The following SPIDR variants were observed in gnomAD, a reference collection of about 807,000 sequenced individuals.
The protein encoded by SPIDR is DNA repair-scaffolding protein.
Under a neutral mutation model 104.6 loss-of-function variants are expected in SPIDR, and 93 were observed. The observed-to-expected ratio is 0.89, with a 90% CI of 0.75 to 1.06. SPIDR has a LOEUF of 1.06. Among genes scored for constraint, SPIDR ranks in the 50% least tolerant of loss-of-function variants. The pLI is 0.00. For missense variants in SPIDR, 1,154 were observed against 1,111.2 expected, an observed-to-expected ratio of 1.04 and a Z score of -0.55; for synonymous variants, 431 against 416.9, an observed-to-expected ratio of 1.03 and a Z score of -0.41.
At chr8:47,552,468 A>G (rs1039054248) in intron 8 of SPIDR, among the ~76,000 whole-genome samples, 5 of 151,350 alleles carry the variant, frequency 3.3e-5, no homozygotes, top group African/African-American at 9.8e-5. Context: ...TATTGGGTGC[A>G]TATATATTTA....
intron 7 of SPIDR, among the ~76,000 whole-genome samples, chr8:47,415,302 T>C (rs1312783085): frequency 6.6e-6 from 1 of 152,084 alleles, no homozygotes; most frequent in Non-Finnish European, 1.5e-5. Flanking sequence ...GCCCCCAGTT[T>C]CCCCCGGTAA....
chr8:47,431,515 C>T (rs1338234643), intron 7 of SPIDR, among the ~76,000 whole-genome samples: 1 of 152,178 alleles, frequency 6.6e-6, no homozygotes, highest in Non-Finnish European at 1.5e-5. Context: ...GCTATTCCTA[C>T]GGAATGAGTC....
intron 8 of SPIDR, among the ~76,000 whole-genome samples, chr8:47,450,609 G>C (rs2071539284): frequency 6.6e-6 from 1 of 152,210 alleles, no homozygotes; most frequent in African/African-American, 2.4e-5. Context: ...ATATGCAAAT[G>C]TATATTGTTG....
At chr8:47,337,974 A>G (rs1445304487) in intron 5 of SPIDR, among the ~76,000 whole-genome samples, 2 of 152,082 alleles carry the variant, frequency 1.3e-5, no homozygotes, top group African/African-American at 4.8e-5. Flanking sequence ...CCTTACCTTA[A>G]TTAATGTAAT....
intron 10 of SPIDR, among the ~76,000 whole-genome samples, chr8:47,642,397 CAG>C (rs1289113700): frequency 3.6e-5 from 5 of 137,760 alleles, no homozygotes; most frequent in African/African-American, 1.4e-4. Flanking sequence ...GCCTGGGCGA[CAG>C]AGCGAGACTC....
chr8:47,654,262 T>TACATGGATTAG, intron 10 of SPIDR: 1 of 995,356 alleles, frequency 1.0e-6, no homozygotes, highest in Non-Finnish European at 1.4e-6. Context: ...GGGAAGCACC[T>TACATGGATTAG]GCCTAATCCA....
intron 8 of SPIDR, among the ~76,000 whole-genome samples, chr8:47,575,353 A>T (rs1173167540): frequency 6.6e-6 from 1 of 152,188 alleles, no homozygotes; most frequent in Non-Finnish European, 1.5e-5. Flanking sequence ...TGTAGTTAAG[A>T]AAAAAGCTGG....
chr8:47,391,058 C>T (rs180741592), intron 5 of SPIDR, among the ~76,000 whole-genome samples: 121 of 152,232 alleles, frequency 7.9e-4, no homozygotes, highest in Non-Finnish European at 1.4e-3. Context: ...TTCTCACAGT[C>T]GGGCTTAGGC....
At chr8:47,491,748 G>A (rs1307029341) in intron 8 of SPIDR, among the ~76,000 whole-genome samples, 1 of 152,074 alleles carries the variant, frequency 6.6e-6, no homozygotes, top group African/African-American at 2.4e-5. Context: ...GCTCCAAGAG[G>A]CTGAGGCAGG....
At chr8:47,393,886 C>T (rs2060932890) in intron 5 of SPIDR, among the ~76,000 whole-genome samples, 1 of 150,670 alleles carries the variant, frequency 6.6e-6, no homozygotes, top group African/African-American at 2.5e-5. Context: ...TGTCCTTTGT[C>T]CTGTCTTTCG....
intron 10 of SPIDR, among the ~76,000 whole-genome samples, chr8:47,641,159 T>A (rs934477802): frequency 2.0e-4 from 31 of 152,032 alleles, no homozygotes; most frequent in African/African-American, 7.5e-4. Context: ...GACTAGGTAA[T>A]TTTTAATTTA....
chr8:47,268,340 A>G (rs2154212438), intron 1 of SPIDR, among the ~76,000 whole-genome samples: 1 of 152,328 alleles, frequency 6.6e-6, no homozygotes, highest in East Asian at 1.9e-4. Context: ...CCATATGAAT[A>G]ATAGCAGCTT....
Position 47,291,089 on chromosome 8 carries a change from G to A in SPIDR, c.313G>A (p.Gly105Arg). 2 of 1,613,176 alleles carry A rather than the reference G, an allele frequency of 1.2e-6. No individual in the cohort carries two copies. The highest frequency in any genetic ancestry group is 2.2e-5 in the East Asian group (1 of 44,850). ...TACAGACATAACATGGAGCTCCAGT[G>A]GAAGTGATTTGTCGGATGAAGATAA... ...GLTDITWSSS[G>R]SDLSDEDKTL... is the part of the protein sequence containing the mutation. Residue 105 changes from glycine (G) to arginine (R), a missense_variant, in exon 4 of 20, where the codon GGA (glycine) becomes AGA (arginine). By Grantham distance (125) the Gly-to-Arg change is moderately radical. Coordinates refer to ENST00000297423, the MANE Select transcript of SPIDR (RefSeq NM_001080394.4).
intron 8 of SPIDR, among the ~76,000 whole-genome samples, chr8:47,587,859 CATTG>C (rs1038271872): frequency 8.0e-5 from 12 of 150,524 alleles, no homozygotes; most frequent in African/African-American, 2.9e-4. Context: ...TCTTCTGTTT[CATTG>C]ATCTATGTGT....
intron 10 of SPIDR, among the ~76,000 whole-genome samples, chr8:47,642,432 AG>A (rs1235785001): frequency 6.6e-6 from 1 of 151,528 alleles, no homozygotes; most frequent in Non-Finnish European, 1.5e-5. Flanking sequence ...AAAAAAAAAA[AG>A]AAAAAGAATT....
At chr8:47,526,640 G>A (rs1181583548) in intron 8 of SPIDR, among the ~76,000 whole-genome samples, 1 of 152,174 alleles carries the variant, frequency 6.6e-6, no homozygotes, top group Non-Finnish European at 1.5e-5. Context: ...TAACTGCAGG[G>A]TGCTGCAGGG....
At chr8:47,378,182 G>A (rs1397931582) in intron 5 of SPIDR, among the ~76,000 whole-genome samples, 1 of 152,146 alleles carries the variant, frequency 6.6e-6, no homozygotes, top group Non-Finnish European at 1.5e-5. Context: ...CATAGTTCAT[G>A]TTCTTGCATG....
intron 5 of SPIDR, among the ~76,000 whole-genome samples, chr8:47,356,893 A>T (rs781851593): frequency 4.6e-5 from 7 of 152,170 alleles, no homozygotes; most frequent in Non-Finnish European, 8.8e-5. Flanking sequence ...GGTGCTGCAG[A>T]ATCTATTTTA....
chr8:47,734,443 C>T (rs1419159369), intron 19 of SPIDR, among the ~76,000 whole-genome samples: 7 of 152,166 alleles, frequency 4.6e-5, no homozygotes, highest in African/African-American at 1.7e-4. Context: ...CTTCTCCAGC[C>T]TCAGTCTCTT....
Sources: gnomAD v4.1 joint callset for allele counts (sites outside exome capture counted in the v4.1 genomes callset) on GRCh38, gnomAD v4.1.1 for gene constraint, MANE v1.5 for transcripts, NCBI Gene and HGNC (gene_info 2026-07-23, HGNC 2026-07-21) for gene names.